The following F8 variants were observed in gnomAD, a reference collection of about 807,000 sequenced individuals.
F8 encodes the protein coagulation factor VIII.
In F8, 12 loss-of-function variants were observed where a neutral mutation model predicts 140.6. The ratio of observed to expected loss-of-function variants is 0.09; its 90% CI spans 0.05 to 0.14. The LOEUF (loss-of-function observed/expected upper bound fraction) is 0.14, where lower values mean the gene tolerates loss of function less well. Among genes scored for constraint, F8 ranks in the 10% least tolerant of loss-of-function variants. F8 has a pLI of 1.00. For missense variants in F8, 1,354 were observed against 1,720.7 expected, an observed-to-expected ratio of 0.79 and a Z score of 3.77; for synonymous variants, 585 against 614.6, an observed-to-expected ratio of 0.95 and a Z score of 0.71.
rs1557278416 is a variant in F8, at chrX:154,929,337, C to T, written c.4453G>A (p.Ala1485Thr). 8.3e-7 allele frequency: 1 copy of T among 1,210,303 alleles called. No individual in the cohort carries two copies. Among genetic ancestry groups the T allele is most frequent in the Non-Finnish European group, 1.1e-6 (1 of 895,284 alleles). Residue 1485 changes from alanine to threonine, a missense_variant, in exon 14 of 26, where the codon GCC (alanine) becomes ACC (threonine). Coordinates refer to ENST00000360256, the MANE Select transcript of F8 (RefSeq NM_000132.4). ...QREVGSLGTS[A>T]TNSVTYKKVE... ...TTCTTGTATGTGACTGAATTTGTGG[C>T]ACTTGTCCCCAGGGAGCCAACCTCT...
chrX:154,894,822 C>T (rs1208105384), intron 22 of F8, among the ~76,000 whole-genome samples: 3 of 108,283 alleles, frequency 2.8e-5, no homozygotes, highest in Non-Finnish European at 5.7e-5. Flanking sequence ...TTACATCAGT[C>T]AACAACCCCA....
chrX:154,997,587 T>A (rs1003531352), intron 2 of F8, among the ~76,000 whole-genome samples: 1 of 111,528 alleles, frequency 9.0e-6, no homozygotes, highest in Admixed American at 9.5e-5. Flanking sequence ...TTTTCAAAGA[T>A]CTAGTGGAAG....
At chrX:154,948,926 C>T (rs782294983) in intron 12 of F8, among the ~76,000 whole-genome samples, 1 of 111,358 alleles carries the variant, frequency 9.0e-6, no homozygotes, top group South Asian at 3.8e-4. Flanking sequence ...ATATATCAAA[C>T]AAAATATGGA....
chrX:154,997,196 C>G, intron 2 of F8, 101 bp from the exon 3 acceptor site: 1 of 999,167 alleles, frequency 1.0e-6, no homozygotes, highest in Non-Finnish European at 1.4e-6. Context: ...AGAAGCATGC[C>G]CCTGTAATTA....
intron 1 of F8, among the ~76,000 whole-genome samples, chrX:155,013,014 C>G (rs918745826): frequency 1.8e-5 from 2 of 108,430 alleles, no homozygotes; most frequent in Non-Finnish European, 3.8e-5. Context: ...GGCGTGGTGG[C>G]GGGCGCCTGT....
chrX:154,921,956 C>T (rs945778604), intron 14 of F8, among the ~76,000 whole-genome samples: 2 of 111,050 alleles, frequency 1.8e-5, no homozygotes, highest in African/African-American at 6.6e-5. Flanking sequence ...CGCAGCACAC[C>T]AACATGGCAC....
intron 6 of F8, among the ~76,000 whole-genome samples, chrX:154,972,801 C>T (rs1381484058): frequency 1.9e-5 from 2 of 103,963 alleles, no homozygotes; most frequent in East Asian, 6.0e-4. Context: ...CTGCAGCCTC[C>T]ACCTCTGGGG....
In F8 at chrX:154,969,547, T is replaced by C. The variant is rs2073445187; in HGVS notation, c.793A>G (p.Ile265Val). 8.3e-7 allele frequency: 1 copy of C among 1,207,317 alleles called. No homozygotes were observed. The highest frequency in any genetic ancestry group is 1.8e-5 in the South Asian group (1 of 56,910). ...GYVNRSLPGL[I>V]GCHRKSVYWH... is the part of the protein sequence containing the mutation. ...TAGACTGATTTCCTGTGGCATCCAA[T>C]CAGACCTGTAAAGTAGGAATAAGAC... The change falls in exon 7 of 26, where the codon ATT becomes GTT. Residue 265 changes from isoleucine to valine, a missense_variant. Coordinates refer to ENST00000360256, the MANE Select transcript of F8 (RefSeq NM_000132.4).
intron 21 of F8, among the ~76,000 whole-genome samples, chrX:154,896,490 T>G (rs1444435345): frequency 9.9e-6 from 1 of 100,590 alleles, no homozygotes; most frequent in African/African-American, 3.8e-5. Flanking sequence ...TACCAAATCA[T>G]TGAGCCCCCA....
intron 1 of F8, among the ~76,000 whole-genome samples, chrX:155,020,102 T>C (rs1266887141): frequency 9.0e-6 from 1 of 110,718 alleles, no homozygotes; most frequent in Non-Finnish European, 1.9e-5. Flanking sequence ...AAAAGAATAG[T>C]GAGGATTGCT....
intron 22 of F8, 141 bp downstream of exon 22, chrX:154,895,936 G>A (rs782726643): frequency 8.7e-5 from 53 of 606,755 alleles, no homozygotes; most frequent in South Asian, 1.2e-4. Flanking sequence ...TGATATGTCC[G>A]TAATAACTCT....
At chrX:154,857,657 G>T (rs12392769) in intron 25 of F8, among the ~76,000 whole-genome samples, 1,384 of 112,490 alleles carry the variant, frequency 0.012, 24 homozygotes, top group African/African-American at 0.042. Context: ...CAAGTAATGG[G>T]CTGTAGTCAG....
At chrX:154,975,395 T>G (rs1172580781) in intron 6 of F8, among the ~76,000 whole-genome samples, 1 of 112,294 alleles carries the variant, frequency 8.9e-6, no homozygotes, top group Non-Finnish European at 1.9e-5. Context: ...TTCCTCCTGT[T>G]GTTGATTTAT....
intron 24 of F8, 44 bp downstream of exon 24, chrX:154,861,674 C>T: frequency 8.3e-7 from 1 of 1,203,564 alleles, no homozygotes; most frequent in East Asian, 3.0e-5. Flanking sequence ...TTTTCCCCAA[C>T]CACTGCTCTG....
chrX:155,010,798 C>T (rs1075950), intron 1 of F8, among the ~76,000 whole-genome samples: 37,590 of 109,675 alleles, frequency 0.34, 5,284 homozygotes, highest in African/African-American at 0.52. Context: ...CTACTGACAA[C>T]CTGGGCCTCT....
chrX:154,983,449 A>G (rs1490460205), intron 6 of F8, among the ~76,000 whole-genome samples: 1 of 111,989 alleles, frequency 8.9e-6, no homozygotes, highest in Non-Finnish European at 1.9e-5. Flanking sequence ...TTGTGAAAAT[A>G]GAGAGTAGAA....
chrX:154,998,928 G>C (rs2073632042), intron 2 of F8, among the ~76,000 whole-genome samples: 1 of 111,553 alleles, frequency 9.0e-6, no homozygotes, highest in Non-Finnish European at 1.9e-5. Flanking sequence ...TGGTTCTCCT[G>C]AAGCCTCCTT....
chrX:154,849,722 T>C (rs782807556), intron 25 of F8, among the ~76,000 whole-genome samples: 1 of 111,646 alleles, frequency 9.0e-6, no homozygotes, highest in Non-Finnish European at 1.9e-5. Flanking sequence ...TTCCTACCTG[T>C]TTTATGTTTC....
In F8 at chrX:154,891,159, A is replaced by T. The variant is rs140309193; in HGVS notation, c.6429+4918T>A. 7.3e-3 allele frequency among the ~76,000 whole-genome samples: 827 copies of T among 112,715 alleles called. 12 individuals are homozygous for T. Among genetic ancestry groups the T allele is most frequent in the African/African-American group, 0.024 (752 of 31,024 alleles). Reference sequence around the variant, plus strand: ...TGGGGCCAGGCATGATGGGAGTAGTATTTATGTCAGGGAAATCTGCCAATG... The same window carrying T: ...TGGGGCCAGGCATGATGGGAGTAGTTTTTATGTCAGGGAAATCTGCCAATG... On this transcript the variant is annotated intron_variant, in intron 22 of 25. Transcript: ENST00000360256.
Sources: gnomAD v4.1 joint callset for allele counts (sites outside exome capture counted in the v4.1 genomes callset) on GRCh38, gnomAD v4.1.1 for gene constraint, MANE v1.5 for transcripts, NCBI Gene and HGNC (gene_info 2026-07-23, HGNC 2026-07-21) for gene names.